The following AGMO variants were observed in gnomAD, a reference collection of about 807,000 sequenced individuals.
The protein encoded by AGMO is glyceryl-ether monooxygenase.
Under a neutral mutation model 60.2 loss-of-function variants are expected in AGMO, and 75 were observed. The observed-to-expected ratio is 1.25, with a 90% CI of 1.03 to 1.51. The LOEUF is 1.51. Among genes scored for constraint, AGMO ranks in the 40% most tolerant of loss-of-function variants. The pLI is 0.00. For synonymous variants in AGMO, 261 were observed against 177.1 expected, an observed-to-expected ratio of 1.47 and a Z score of -3.76; for missense variants, 763 against 525.5, an observed-to-expected ratio of 1.45 and a Z score of -4.42.
At chr7:15,214,094 C>G (rs61451330) in intron 12 of AGMO, among the ~76,000 whole-genome samples, 49,128 of 151,658 alleles carry the variant, frequency 0.32, 11,475 homozygotes, top group African/African-American at 0.66. Flanking sequence ...TTCAATGAGA[C>G]ATAAAGGAGG....
chr7:15,395,662 C>A (rs1290509743), intron 5 of AGMO, among the ~76,000 whole-genome samples: 1 of 152,000 alleles, frequency 6.6e-6, no homozygotes, highest in East Asian at 1.9e-4. Flanking sequence ...AGTTTTGAAA[C>A]AAAATGGATA....
intron 5 of AGMO, among the ~76,000 whole-genome samples, chr7:15,398,734 G>C (rs972236975): frequency 9.2e-5 from 14 of 151,952 alleles, no homozygotes; most frequent in African/African-American, 3.4e-4. Flanking sequence ...ACATAGATGG[G>C]TTTATTTAAA....
At chr7:15,266,910 G>C (rs1783448682) in intron 12 of AGMO, among the ~76,000 whole-genome samples, 1 of 151,804 alleles carries the variant, frequency 6.6e-6, no homozygotes, top group Middle Eastern at 3.2e-3. Flanking sequence ...AACTAGACTA[G>C]CCAATTGTCG....
chr7:15,269,256 T>C (rs1462480457), intron 12 of AGMO, among the ~76,000 whole-genome samples: 2 of 152,082 alleles, frequency 1.3e-5, no homozygotes, highest in African/African-American at 4.8e-5. Flanking sequence ...GGAAGATACA[T>C]GGATATCAAT....
At chr7:15,426,378 A>G (rs1280894057) in intron 4 of AGMO, among the ~76,000 whole-genome samples, 1 of 152,174 alleles carries the variant, frequency 6.6e-6, no homozygotes, top group Non-Finnish European at 1.5e-5. Context: ...ATAAATAACA[A>G]TAATGAAAAG....
At chr7:15,306,973 T>G (rs2128529313) in intron 12 of AGMO, among the ~76,000 whole-genome samples, 1 of 152,048 alleles carries the variant, frequency 6.6e-6, no homozygotes, top group Middle Eastern at 3.4e-3. Context: ...TGAATTTTGG[T>G]GAATTTTAAT....
At chr7:15,280,985 G>C (rs1020599011) in intron 12 of AGMO, among the ~76,000 whole-genome samples, 3 of 152,154 alleles carry the variant, frequency 2.0e-5, no homozygotes, top group Non-Finnish European at 2.9e-5. Context: ...CACCAGCCTG[G>C]AGTGTGGCAG....
At chr7:15,220,524 G>A (rs1214281530) in intron 12 of AGMO, among the ~76,000 whole-genome samples, 1 of 151,726 alleles carries the variant, frequency 6.6e-6, no homozygotes, top group Non-Finnish European at 1.5e-5. Context: ...GGCCCTGACT[G>A]TGCTTTAAGG....
At chr7:15,389,459 A>G (rs1296107582) in intron 8 of AGMO, among the ~76,000 whole-genome samples, 2 of 152,186 alleles carry the variant, frequency 1.3e-5, no homozygotes, top group Non-Finnish European at 2.9e-5. Flanking sequence ...GGTGTATCAT[A>G]TTCTTAGTAA....
chr7:15,342,281 G>A (rs1471703123), intron 12 of AGMO, among the ~76,000 whole-genome samples: 1 of 151,344 alleles, frequency 6.6e-6, no homozygotes, highest in Non-Finnish European at 1.5e-5. Flanking sequence ...GTCAGCAAGG[G>A]AGGAGTAAAA....
Position 15,305,159 on chromosome 7 carries a change from A to G in AGMO, c.1263+60355T>C, listed in dbSNP as rs1020933528. ...TCATCTCACCATGGATTTTCTCCTT[A>G]TTTTCCTTTTACCATCCTGCTATTC... On this transcript the variant is annotated intron_variant, in intron 12 of 12. Coordinates refer to ENST00000342526, the MANE Select transcript of AGMO (RefSeq NM_001004320.2). Among the ~76,000 whole-genome samples the G allele has an allele frequency of 2.0e-5, 3 of 149,486 alleles. No homozygotes were observed. The East Asian group carries it at 5.9e-4, about 29-fold the overall frequency.
the AGMO span, among the ~76,000 whole-genome samples, chr7:15,163,909 T>C: frequency 6.6e-6 from 1 of 152,114 alleles, no homozygotes; most frequent in Admixed American, 6.6e-5. Flanking sequence ...GTGCCAGCTC[T>C]TTTTTGTGTG....
chr7:15,307,803 T>TC lies in AGMO; in HGVS notation c.1263+57710dup. Among the ~76,000 whole-genome samples, 2 of 152,188 alleles carry TC rather than the reference T, an allele frequency of 1.3e-5. 1 individual carries two copies. Among genetic ancestry groups the TC allele is most frequent in the Middle Eastern group, 6.8e-3 (2 of 294 alleles). ...TCAGATCTTTGCCTTTTCCTGGGTC[T>TC]CCATCTCAGTGCAAATATGGACTCA... On this transcript the variant is annotated intron_variant, in intron 12 of 12. Coordinates refer to ENST00000342526, the MANE Select transcript of AGMO (RefSeq NM_001004320.2).
At chr7:15,422,900 A>G (rs1780964332) in intron 4 of AGMO, among the ~76,000 whole-genome samples, 1 of 152,158 alleles carries the variant, frequency 6.6e-6, no homozygotes, top group South Asian at 2.1e-4. Flanking sequence ...ACTGTGCTTC[A>G]CAGAGTCATG....
chr7:15,345,835 C>G (rs1782013593), intron 12 of AGMO, among the ~76,000 whole-genome samples: 1 of 152,160 alleles, frequency 6.6e-6, no homozygotes, highest in Non-Finnish European at 1.5e-5. Flanking sequence ...TCCTGACCCT[C>G]TATTCCTCAT....
the AGMO span, among the ~76,000 whole-genome samples, chr7:15,172,898 T>C: frequency 6.6e-5 from 10 of 152,290 alleles, no homozygotes; most frequent in Middle Eastern, 3.4e-3. Context: ...AAATATTTTA[T>C]ATCTGAAAAA....
chr7:15,558,268 G>T (rs764815522), intron 2 of AGMO, among the ~76,000 whole-genome samples: 3 of 151,846 alleles, frequency 2.0e-5, no homozygotes, highest in Non-Finnish European at 2.9e-5. Flanking sequence ...CATTCAATTT[G>T]CTGTCAAATT....
chr7:15,529,644 ATAC>A lies in AGMO; in HGVS notation c.409+15125_409+15127del, dbSNP rs371951017. ...GAATATATATATAGAATATATATAT[ATAC>A]TATATATTCTATATATATTCTATAT... On this transcript the variant is annotated intron_variant, in intron 3 of 12. Coordinates refer to ENST00000342526, the MANE Select transcript of AGMO (RefSeq NM_001004320.2). Among the ~76,000 whole-genome samples the A allele has an allele frequency of 1.7e-3, 17 of 10,244 alleles. 5 individuals are homozygous for A. The highest frequency in any genetic ancestry group is 0.17 in the East Asian group (2 of 12). 6.7% of individuals were successfully genotyped at this position (10,244 alleles called of 152,430 possible). A position where few individuals can be genotyped will look rare whatever the true frequency, so the allele number is the denominator to read the frequency against.
chr7:15,462,063 T>TAA (rs56245738), intron 3 of AGMO, among the ~76,000 whole-genome samples: 23 of 151,194 alleles, frequency 1.5e-4, no homozygotes, highest in South Asian at 4.2e-4. Context: ...TTGGAAAAGG[T>TAA]AAAAAAAAAT....
Sources: allele counts gnomAD v4.1 joint callset (sites outside exome capture counted in the v4.1 genomes callset), GRCh38; gene constraint gnomAD v4.1.1; transcripts MANE v1.5; gene names NCBI Gene and HGNC (gene_info 2026-07-23, HGNC 2026-07-21).